The following KCNJ6 variants were observed in gnomAD, a reference collection of about 807,000 sequenced individuals.
KCNJ6 encodes potassium inwardly rectifying channel subfamily J member 6, also known as G protein-activated inward rectifier potassium channel 2.
Under a neutral mutation model 34.2 loss-of-function variants are expected in KCNJ6, and 9 were observed. That is an observed-to-expected ratio of 0.26 (90% CI 0.16 to 0.46). KCNJ6 has a LOEUF of 0.46. Ranked by LOEUF, KCNJ6 falls within the 20% of genes least tolerant of loss-of-function variation. The pLI is 1.00. For missense variants in KCNJ6, 236 were observed against 531.3 expected (o/e 0.44, Z 5.46); for synonymous variants, 196 against 207.1 (o/e 0.95, Z 0.46).
At chr21:37,798,545 G>A (rs1397472901) in intron 2 of KCNJ6, among the ~76,000 whole-genome samples, 1 of 152,204 alleles carries the variant, frequency 6.6e-6, no homozygotes, top group Non-Finnish European at 1.5e-5. Flanking sequence ...CCGATCAGTG[G>A]ATAAACAAAA....
chr21:37,851,784 T>C (rs2055538857), intron 1 of KCNJ6, among the ~76,000 whole-genome samples: 3 of 151,912 alleles, frequency 2.0e-5, no homozygotes, highest in African/African-American at 2.4e-5. Context: ...AACAAAAAAA[T>C]CCTGGACAAT....
At position 37,860,997 on chromosome 21, in the gene KCNJ6, G is replaced by A. The variant is rs546914872; in HGVS notation, c.-27-20288C>T. ...TCCTTGTGCCTCATTTTCCTCATCT[G>A]TACAATAGGGATAATGTTATACATA... is the stretch of plus-strand genomic sequence containing the variant. On this transcript the variant is annotated intron_variant, in intron 1 of 3. Coordinates refer to ENST00000609713, the MANE Select transcript of KCNJ6 (RefSeq NM_002240.5). Among the ~76,000 whole-genome samples, 650 of 152,196 alleles carry A rather than the reference G, an allele frequency of 4.3e-3. 2 individuals are homozygous for A. The highest frequency in any genetic ancestry group is 7.3e-3 in the Non-Finnish European group (494 of 68,016).
At chr21:37,653,953 C>T (rs1203702521) in intron 3 of KCNJ6, among the ~76,000 whole-genome samples, 1 of 152,102 alleles carries the variant, frequency 6.6e-6, no homozygotes. Context: ...ACAGAGACTC[C>T]AGGACCCTAC....
At chr21:37,739,103 G>T (rs8126568) in intron 2 of KCNJ6, among the ~76,000 whole-genome samples, 11,317 of 152,234 alleles carry the variant, frequency 0.074, 880 homozygotes, top group African/African-American at 0.2. Flanking sequence ...TAAACACACA[G>T]GGGATTTTTG....
chr21:37,910,371 T>A (rs1254304927), intron 1 of KCNJ6, among the ~76,000 whole-genome samples: 4 of 152,130 alleles, frequency 2.6e-5, no homozygotes, highest in Non-Finnish European at 5.9e-5. Flanking sequence ...AAGAGAAATT[T>A]AAAGCATCAT....
At chr21:37,757,804 G>A (rs1359292550) in intron 2 of KCNJ6, among the ~76,000 whole-genome samples, 1 of 152,262 alleles carries the variant, frequency 6.6e-6, no homozygotes, top group East Asian at 1.9e-4. Context: ...ACTTGCATGA[G>A]GCCACACGCC....
intron 1 of KCNJ6, among the ~76,000 whole-genome samples, chr21:37,886,178 G>C (rs923254817): frequency 6.6e-6 from 1 of 152,100 alleles, no homozygotes; most frequent in African/African-American, 2.4e-5. Flanking sequence ...AAAAAATTGG[G>C]GGTAGGGGAA....
chr21:37,791,640 A>G (rs1305832726), intron 2 of KCNJ6, among the ~76,000 whole-genome samples: 2 of 152,220 alleles, frequency 1.3e-5, no homozygotes, highest in Non-Finnish European at 2.9e-5. Context: ...ATATTTGAAG[A>G]GGTTTTCTTG....
chr21:37,794,892 A>C (rs565505782), intron 2 of KCNJ6, among the ~76,000 whole-genome samples: 1 of 152,066 alleles, frequency 6.6e-6, no homozygotes, highest in South Asian at 2.1e-4. Context: ...AGTAAAATAA[A>C]AAAGAAAAAA....
At chr21:37,798,888 G>A (rs2055255934) in intron 2 of KCNJ6, among the ~76,000 whole-genome samples, 1 of 152,144 alleles carries the variant, frequency 6.6e-6, no homozygotes, top group Admixed American at 6.5e-5. Flanking sequence ...ATTTAAATGG[G>A]TGAATCGTAC....
intron 2 of KCNJ6, among the ~76,000 whole-genome samples, chr21:37,759,832 C>A (rs996768961): frequency 6.6e-6 from 1 of 152,206 alleles, no homozygotes; most frequent in Non-Finnish European, 1.5e-5. Flanking sequence ...ACTTAGTGAT[C>A]CCGTTCTGCA....
intron 3 of KCNJ6, among the ~76,000 whole-genome samples, chr21:37,700,956 A>T (rs2054687932): frequency 6.6e-6 from 1 of 152,178 alleles, no homozygotes; most frequent in Admixed American, 6.5e-5. Flanking sequence ...GATGACGGCC[A>T]GGTCATTTCC....
At chr21:37,818,968 G>A (rs2055361084) in intron 2 of KCNJ6, among the ~76,000 whole-genome samples, 1 of 151,944 alleles carries the variant, frequency 6.6e-6, no homozygotes, top group Non-Finnish European at 1.5e-5. Flanking sequence ...GCAGGTATGG[G>A]GTGAGCTAAA....
Position 37,748,621 on chromosome 21 carries a change from A to G in KCNJ6, c.26-33490T>C, listed in dbSNP as rs35517659. ...AGCCCCAGTCTTAGTGGAACGCTTC[A>G]AAGCCACAGGTTCTTCCAGTAACTG... On this transcript the variant is annotated intron_variant, in intron 2 of 3. Coordinates refer to ENST00000609713, the MANE Select transcript of KCNJ6 (RefSeq NM_002240.5). 8.3e-3 allele frequency among the ~76,000 whole-genome samples: 1,261 copies of G among 152,338 alleles called. 9 individuals carry two copies. The highest frequency in any genetic ancestry group is 0.037 in the Middle Eastern group (11 of 294).
chr21:37,790,118 T>C (rs1043458504), intron 2 of KCNJ6, among the ~76,000 whole-genome samples: 4 of 152,210 alleles, frequency 2.6e-5, no homozygotes. Flanking sequence ...TCCACAGAAC[T>C]CATCCCTTCA....
At chr21:37,829,309 G>A (rs188943611) in intron 2 of KCNJ6, among the ~76,000 whole-genome samples, 7 of 152,160 alleles carry the variant, frequency 4.6e-5, no homozygotes, top group Non-Finnish European at 7.4e-5. Flanking sequence ...GAAGTGTGAG[G>A]CAAGAGAGTT....
At position 37,822,017 on chromosome 21, in the gene KCNJ6, A is replaced by G. The variant is rs781167788; in HGVS notation, c.25+18641T>C. Among the ~76,000 whole-genome samples, 85 of 152,238 alleles carry G rather than the reference A, an allele frequency of 5.6e-4. 2 individuals are homozygous for G. The highest frequency in any genetic ancestry group is 2.8e-4 in the Non-Finnish European group (19 of 68,042). Reference sequence around the variant, plus strand: ...ATTCCACCAGAGGAGGATAATCAACACAGAGGAGCTGTCACACCTGTTTGT... The same window carrying G: ...ATTCCACCAGAGGAGGATAATCAACGCAGAGGAGCTGTCACACCTGTTTGT... On this transcript the variant is annotated intron_variant, in intron 2 of 3. Transcript: ENST00000609713.
intron 1 of KCNJ6, among the ~76,000 whole-genome samples, chr21:37,845,189 T>C (rs971205082): frequency 1.3e-5 from 2 of 152,374 alleles, no homozygotes; most frequent in Non-Finnish European, 1.5e-5. Context: ...ATTTGTTTCA[T>C]GAACTTGTGT....
rs576221311 is a variant in KCNJ6 at position 37,874,208 on chromosome 21, C to T, written c.-27-33499G>A. On this transcript the variant is annotated intron_variant, in intron 1 of 3. Transcript: ENST00000609713. The stretch of plus-strand genomic sequence containing the variant: ...GGGGAGGAGGCCTGTCTTGCTGGCC[C>T]ATCAGCCGCAGGCCACACCTGATCA... Among the ~76,000 whole-genome samples, 6 of 152,304 alleles carry T rather than the reference C, an allele frequency of 3.9e-5. No homozygotes were observed. In the East Asian group the frequency reaches 1.2e-3, roughly 29 times the overall value.
Sources: gnomAD v4.1 joint callset for allele counts (sites outside exome capture counted in the v4.1 genomes callset) on GRCh38, gnomAD v4.1.1 for gene constraint, MANE v1.5 for transcripts, NCBI Gene and HGNC (gene_info 2026-07-23, HGNC 2026-07-21) for gene names.